Variants in JAK1 observed in about 807,000 individuals in gnomAD.
The protein encoded by JAK1 is Janus kinase 1.
Under a neutral mutation model 136.6 loss-of-function variants are expected in JAK1, and 16 were observed. That is an observed-to-expected ratio of 0.12 (90% confidence interval 0.08 to 0.18). The LOEUF is 0.18. Among genes scored for constraint, JAK1 ranks in the 10% least tolerant of loss-of-function variants. The probability of loss-of-function intolerance (pLI) is 1.00; values close to 1 mark genes in which losing one functional copy is unlikely to be tolerated. For synonymous variants in JAK1, 492 were observed against 519.5 expected, an observed-to-expected ratio of 0.95 and a Z score of 0.72; for missense variants, 859 against 1,450.1, an observed-to-expected ratio of 0.59 and a Z score of 6.62.
At chr1:64,976,445 C>A (rs1646498077) in intron 2 of JAK1, among the ~76,000 whole-genome samples, 1 of 152,186 alleles carries the variant, frequency 6.6e-6, no homozygotes. Context: ...GCTCCTCTGA[C>A]CTTGTTGGTT....
In JAK1 at chr1:64,846,734, G is replaced by C. The variant is rs1655259787; in HGVS notation, c.1902C>G (p.Ala634=). 6.2e-7 allele frequency: 1 copy of C among 1,613,376 alleles called. No individual in the cohort carries two copies. The highest frequency in any genetic ancestry group is 8.5e-7 in the Non-Finnish European group (1 of 1,179,632). Residue 634 remains alanine (A), a splice_region_variant and synonymous_variant, in exon 14 of 25, where the codon GCC becomes GCG. Transcript: ENST00000342505. ...LDPSHRDISL[A]FFEAASMMRQ... ...TCATCATGCTGGCTGCCTCGAAGAA[G>C]GCCTGTGGGCGAGCAGGACATAGGA...
At chr1:64,968,914 A>G (rs1442414212), upstream of JAK1, among the ~76,000 whole-genome samples, 2 of 143,808 alleles carry the variant, frequency 1.4e-5, no homozygotes, top group Non-Finnish European at 3.0e-5. Context: ...CCTGGGCGAC[A>G]GAGCGAGACT....
At chr1:64,876,377 G>C (rs1212697623) in intron 4 of JAK1, 2 of 152,238 alleles carry the variant, frequency 1.3e-5, no homozygotes, top group African/African-American at 4.8e-5. Flanking sequence ...AGCCCTGTGG[G>C]ACCATCTTTG....
intron 2 of JAK1, among the ~76,000 whole-genome samples, chr1:64,999,182 T>C (rs1255765539): frequency 6.6e-6 from 1 of 152,214 alleles, no homozygotes; most frequent in East Asian, 1.9e-4. Flanking sequence ...TATAAATCAC[T>C]TTCTCCTGTT....
At chr1:65,017,906 T>C (rs1354461785) in intron 2 of JAK1, among the ~76,000 whole-genome samples, 1 of 151,628 alleles carries the variant, frequency 6.6e-6, no homozygotes, top group African/African-American at 2.4e-5. Context: ...ACCTCCTGGG[T>C]TCAAGTGATT....
rs1656599316 is a variant in JAK1 at position 64,864,955 on chromosome 1, C to G, written c.1008G>C (p.Lys336Asn). ...TTTTCCGCTTCAGTTTATTTTTTTC[C>G]TTTTCAACAGAAACAACCTGATAAG... is the stretch of plus-strand genomic sequence containing the variant. ...RHKPNVVSVEKEKNKLKRKKL... is the reference protein window; with the variant it reads ...RHKPNVVSVENEKNKLKRKKL... The change falls in exon 8 of 25, where the codon AAG (lysine) becomes AAC (asparagine). Residue 336 changes from lysine to asparagine, a missense_variant. Coordinates refer to ENST00000342505, the MANE Select transcript of JAK1 (RefSeq NM_002227.4). The G allele has an allele frequency of 6.2e-7, 1 of 1,611,726 alleles. No homozygotes were observed.
At chr1:65,028,354 A>C (rs1646995156) in intron 2 of JAK1, among the ~76,000 whole-genome samples, 2 of 152,104 alleles carry the variant, frequency 1.3e-5, no homozygotes, top group African/African-American at 4.8e-5. Context: ...TTTGATTAGA[A>C]TATAATGGAT....
At chr1:64,971,147 A>C (rs1484293314), upstream of JAK1, among the ~76,000 whole-genome samples, 1 of 152,264 alleles carries the variant, frequency 6.6e-6, no homozygotes, top group Non-Finnish European at 1.5e-5. Flanking sequence ...AATCTGGAGA[A>C]AAAATTGACT....
intron 1 of JAK1, among the ~76,000 whole-genome samples, chr1:64,903,701 G>A (rs1645147410): frequency 6.6e-6 from 1 of 152,158 alleles, no homozygotes. Context: ...TCTTAGTGCT[G>A]ATAGCATCAT....
chr1:64,997,094 T>C (rs997032770), intron 2 of JAK1, among the ~76,000 whole-genome samples: 10 of 152,228 alleles, frequency 6.6e-5, no homozygotes, highest in Admixed American at 3.3e-4. Context: ...AATTTGGTCC[T>C]GAGTAAGTAG....
intron 1 of JAK1, among the ~76,000 whole-genome samples, chr1:64,945,081 C>T (rs1422713532): frequency 6.6e-6 from 1 of 151,890 alleles, no homozygotes; most frequent in East Asian, 1.9e-4. Context: ...ACACTACAAT[C>T]TCAAACCCTG....
intron 2 of JAK1, among the ~76,000 whole-genome samples, chr1:64,986,897 A>T (rs1012582354): frequency 3.9e-5 from 6 of 152,300 alleles, no homozygotes; most frequent in South Asian, 2.1e-4. Flanking sequence ...CCAAAAAAAA[A>T]ATATAAAGCA....
Position 64,971,848 on chromosome 1 carries a change from C to T in JAK1, c.-78+72632G>A, listed in dbSNP as rs562885654. ...TGCTGAGATTACAGGCGTAAGCCAC[C>T]GTGCTCGGCCTTATCTATCATACTT... is the stretch of plus-strand genomic sequence containing the variant. On this transcript the variant is annotated intron_variant, in intron 2 of 25. Coordinates refer to the JAK1 transcript ENST00000671954. Among the ~76,000 whole-genome samples, 5 of 152,272 alleles carry T rather than the reference C, an allele frequency of 3.3e-5. No homozygotes were observed. The East Asian group carries it at 7.7e-4, about 23-fold the overall frequency.
At chr1:65,066,353 C>T (rs1557784049) in intron 1 of JAK1, among the ~76,000 whole-genome samples, 3 of 152,154 alleles carry the variant, frequency 2.0e-5, no homozygotes, top group Non-Finnish European at 4.4e-5. Context: ...AATAATGTTT[C>T]TAATAAAAGA....
intron 1 of JAK1, among the ~76,000 whole-genome samples, chr1:64,928,787 A>AAAAAAC (rs1553170002): frequency 0.012 from 1,134 of 92,630 alleles, 28 homozygotes; most frequent in African/African-American, 0.055. Flanking sequence ...GCAAAAAAAA[A>AAAAAAC]AAAAAAAAAC....
rs181919006 is a variant in JAK1 at position 64,841,490 on chromosome 1, G to A, written c.2515C>T (p.Arg839Ter). Residue 839 changes from arginine (R) to a stop codon, truncating the protein, a stop_gained, in exon 18 of 25, where the codon CGA (arginine) becomes TGA (stop). Coordinates refer to ENST00000342505, the MANE Select transcript of JAK1 (RefSeq NM_002227.4). LOFTEE classifies it high-confidence loss of function. ...NYDPNQRPFFRAIMRDINKLE... is the reference protein window; with the variant it reads ...NYDPNQRPFF Reference sequence around the variant, plus strand: ...TTATTAATGTCTCTCATGATGGCTCGGAAGAAAGGCCTCTGATTGGGGTCA... The same window carrying A: ...TTATTAATGTCTCTCATGATGGCTCAGAAGAAAGGCCTCTGATTGGGGTCA... The A allele has an allele frequency of 1.2e-6, 2 of 1,614,126 alleles. No homozygotes were observed. The highest frequency in any genetic ancestry group is 1.7e-6 in the Non-Finnish European group (2 of 1,180,018).
chr1:64,927,532 C>G (rs1327957601), intron 1 of JAK1, among the ~76,000 whole-genome samples: 2 of 152,152 alleles, frequency 1.3e-5, no homozygotes, highest in African/African-American at 4.8e-5. Flanking sequence ...AGATTTGACT[C>G]CAAAGATGGT....
At chr1:65,006,397 GC>G (rs1198594020) in intron 2 of JAK1, among the ~76,000 whole-genome samples, 2 of 151,994 alleles carry the variant, frequency 1.3e-5, no homozygotes, top group African/African-American at 4.8e-5. Context: ...TTACTCTTTT[GC>G]CCAGGCTGGA....
intron 2 of JAK1, among the ~76,000 whole-genome samples, chr1:65,017,481 T>A (rs1182143104): frequency 6.6e-6 from 1 of 151,706 alleles, no homozygotes; most frequent in Non-Finnish European, 1.5e-5. Flanking sequence ...AAAATAAAAA[T>A]AAAAATAAAT....
Sources: allele counts gnomAD v4.1 joint callset (sites outside exome capture counted in the v4.1 genomes callset), GRCh38; gene constraint gnomAD v4.1.1; transcripts MANE v1.5; gene names NCBI Gene and HGNC (gene_info 2026-07-23, HGNC 2026-07-21).